Variants in RORA observed in about 807,000 individuals in gnomAD.
RORA encodes the protein RAR related orphan receptor A, also known as nuclear receptor ROR-alpha.
In RORA, 7 loss-of-function variants were observed where a neutral mutation model predicts 69.5. That is an observed-to-expected ratio of 0.10 (90% CI 0.06 to 0.19). RORA has a LOEUF of 0.19. Ranked by LOEUF, RORA falls within the 10% of genes least tolerant of loss-of-function variation. The pLI is 1.00. For missense variants in RORA, 457 were observed against 663.0 expected, an observed-to-expected ratio of 0.69 and a Z score of 3.41; for synonymous variants, 261 against 240.8, an observed-to-expected ratio of 1.08 and a Z score of -0.78.
chr15:60,860,057 A>C (rs2073422279), intron 1 of RORA, among the ~76,000 whole-genome samples: 1 of 152,192 alleles, frequency 6.6e-6, no homozygotes, highest in Admixed American at 6.5e-5. Flanking sequence ...ACTTCATCGA[A>C]TGTGGCTGGC....
intron 1 of RORA, among the ~76,000 whole-genome samples, chr15:61,202,447 T>TA (rs1173555251): frequency 1.3e-5 from 2 of 152,102 alleles, no homozygotes; most frequent in African/African-American, 4.8e-5. Flanking sequence ...TGCAAAAACT[T>TA]AGAGTGGAAC....
intron 1 of RORA, among the ~76,000 whole-genome samples, chr15:60,779,116 C>G (rs1408191838): frequency 6.6e-6 from 1 of 152,110 alleles, no homozygotes; most frequent in Non-Finnish European, 1.5e-5. Context: ...TCGTTTCAAG[C>G]CTAAATTGGA....
At chr15:60,670,312 C>A (rs6494213) in intron 2 of RORA, among the ~76,000 whole-genome samples, 87,060 of 151,174 alleles carry the variant, frequency 0.58, 26,196 homozygotes, top group East Asian at 0.73. Context: ...CAGGTTCAAG[C>A]GATTATCCTG....
intron 1 of RORA, among the ~76,000 whole-genome samples, chr15:61,040,158 AT>A (rs1595906414): frequency 5.7e-5 from 7 of 123,556 alleles, no homozygotes; most frequent in East Asian, 5.0e-4. Flanking sequence ...ATATATATAT[AT>A]ATATAAAATA....
intron 1 of RORA, among the ~76,000 whole-genome samples, chr15:60,735,540 C>T (rs2071485391): frequency 6.6e-6 from 1 of 151,670 alleles, no homozygotes; most frequent in Non-Finnish European, 1.5e-5. Context: ...GAGCCTACCA[C>T]CTTTAGAATT....
chr15:60,926,677 G>A (rs905310336), intron 1 of RORA, among the ~76,000 whole-genome samples: 1 of 152,180 alleles, frequency 6.6e-6, no homozygotes, highest in African/African-American at 2.4e-5. Context: ...TCGTTTATAA[G>A]AGAAAAGCTG....
intron 3 of RORA, among the ~76,000 whole-genome samples, chr15:60,522,858 T>A (rs1371816941): frequency 4.8e-5 from 7 of 146,106 alleles, no homozygotes; most frequent in Non-Finnish European, 1.0e-4. Context: ...GATCACGAGG[T>A]CAGGAGTTCG....
intron 1 of RORA, among the ~76,000 whole-genome samples, chr15:60,710,814 C>CTACACTTCTTAT (rs1555447749): frequency 6.6e-6 from 1 of 152,132 alleles, no homozygotes. Flanking sequence ...TCCCAGGGCA[C>CTACACTTCTTAT]AGAAGAGGGA....
chr15:61,208,772 C>G (rs1421558910), intron 1 of RORA, among the ~76,000 whole-genome samples: 1 of 152,094 alleles, frequency 6.6e-6, no homozygotes, highest in Non-Finnish European at 1.5e-5. Context: ...GAACCGAGGC[C>G]TCCTGGTTAC....
chr15:60,528,863 C>T (rs996322437), intron 3 of RORA: 1 of 152,238 alleles, frequency 6.6e-6, no homozygotes, highest in Non-Finnish European at 1.5e-5. Context: ...GGTATAGGTG[C>T]TCAAGCTGGT....
chr15:60,517,663 TCTGTCCAAG>T (rs1464447842), intron 3 of RORA, among the ~76,000 whole-genome samples: 1 of 152,152 alleles, frequency 6.6e-6, no homozygotes, highest in Non-Finnish European at 1.5e-5. Flanking sequence ...ACACATAATC[TCTGTCCAAG>T]CTGAAAGGTG....
intron 2 of RORA, among the ~76,000 whole-genome samples, chr15:60,631,724 C>A (rs980041003): frequency 6.6e-6 from 1 of 152,168 alleles, no homozygotes; most frequent in East Asian, 1.9e-4. Flanking sequence ...ATGCCCAGTA[C>A]GGCTAAGGGC....
In RORA at chr15:60,511,356, G is replaced by A. The variant is rs745878423; in HGVS notation, c.690C>T (p.Asp230=). 1 of 1,614,226 alleles carries A rather than the reference G, an allele frequency of 6.2e-7. No homozygotes were observed. Among genetic ancestry groups the A allele is most frequent in the Non-Finnish European group, 8.5e-7 (1 of 1,180,048 alleles). Reference sequence around the variant, plus strand: ...TTCCATTGATATCAAGACCTGACTGGTCTGGGGAAGGCTGTATGTCCAGGT... The same window carrying A: ...TTCCATTGATATCAAGACCTGACTGATCTGGGGAAGGCTGTATGTCCAGGT... ...SFYLDIQPSP[D]QSGLDINGIK... The change falls in exon 5 of 11, where the codon GAC becomes GAT. Residue 230 remains aspartate, a synonymous_variant. Coordinates refer to ENST00000335670, the MANE Select transcript of RORA (RefSeq NM_134261.3). The surrounding 1 kb of genome is among the most constrained non-coding windows in gnomAD (Gnocchi z 6.4).
At chr15:60,924,873 G>A (rs763555250) in intron 1 of RORA, among the ~76,000 whole-genome samples, 14 of 152,100 alleles carry the variant, frequency 9.2e-5, no homozygotes, top group South Asian at 4.1e-4. Context: ...GAGGTCAGGA[G>A]TTCGAGACCA....
In RORA at chr15:60,489,435, T is replaced by G. The variant is rs917258090; in HGVS notation, c.*8020A>C. On this transcript the variant is annotated 3_prime_UTR_variant, in exon 11 of 11. Coordinates refer to ENST00000335670, the MANE Select transcript of RORA (RefSeq NM_134261.3). ...ATTGCTCAAAAATCTTTGCTAAAGA[T>G]CTTACAAATTCAGTAATATTACAGA... The G allele has an allele frequency of 4.6e-5, 7 of 152,216 alleles. No individual in the cohort carries two copies. Among genetic ancestry groups the G allele is most frequent in the Admixed American group, 3.9e-4 (6 of 15,282 alleles). 9.4% of individuals were successfully genotyped at this position (152,216 alleles called of 1,614,324 possible). A position where few individuals can be genotyped will look rare whatever the true frequency, so the allele number is the denominator to read the frequency against.
At chr15:61,157,049 A>G (rs1190729243) in intron 1 of RORA, among the ~76,000 whole-genome samples, 1 of 152,216 alleles carries the variant, frequency 6.6e-6, no homozygotes, top group Non-Finnish European at 1.5e-5. Flanking sequence ...TCAGAAAACC[A>G]AACAACCCTG....
At chr15:61,123,073 C>G (rs1044097680) in intron 1 of RORA, among the ~76,000 whole-genome samples, 4 of 152,128 alleles carry the variant, frequency 2.6e-5, no homozygotes, top group African/African-American at 9.7e-5. Context: ...GCCCAGAGCC[C>G]ATTAGAGAGC....
At chr15:61,219,976 AC>A (rs2080079577) in intron 1 of RORA, among the ~76,000 whole-genome samples, 1 of 152,174 alleles carries the variant, frequency 6.6e-6, no homozygotes, top group Non-Finnish European at 1.5e-5. Context: ...AGGGAACCTC[AC>A]CAATCCTTGA....
Position 60,750,498 on chromosome 15 carries a change from T to C in RORA, c.167-71812A>G, listed in dbSNP as rs139243553. Among the ~76,000 whole-genome samples the C allele has an allele frequency of 6.5e-3, 986 of 152,364 alleles. 9 individuals carry two copies. Among genetic ancestry groups the C allele is most frequent in the South Asian group, 0.027 (131 of 4,830 alleles). On this transcript the variant is annotated intron_variant, in intron 1 of 10. Transcript: ENST00000335670. The stretch of plus-strand genomic sequence containing the variant: ...TTTGCAAGCATATTTTTGTCCCAGA[T>C]GCTACCGTGTTCAACCTTGTCTGAG...
Sources: allele counts gnomAD v4.1 joint callset (sites outside exome capture counted in the v4.1 genomes callset), GRCh38; gene constraint gnomAD v4.1.1; non-coding constraint Gnocchi (gnomAD v3.1); transcripts MANE v1.5; gene names NCBI Gene and HGNC (gene_info 2026-07-23, HGNC 2026-07-21).